PHF6: variants seen among roughly 807,000 people sequenced by gnomAD.
PHF6 encodes PHD-like zinc finger protein.
PHF6 carries 7 observed loss-of-function variants against 34.0 expected under a neutral mutation model. The observed-to-expected ratio is 0.21, with a 90% CI of 0.12 to 0.39. The LOEUF (loss-of-function observed/expected upper bound fraction) is 0.39. PHF6 is among the 10% of genes least tolerant of loss of function. The pLI is 1.00. For missense variants in PHF6, 128 were observed against 262.8 expected, an observed-to-expected ratio of 0.49 and a Z score of 3.55; for synonymous variants, 89 against 88.4, an observed-to-expected ratio of 1.01 and a Z score of -0.04.
At chrX:134,388,774 ACTT>A (rs1206886089) in intron 3 of PHF6, among the ~76,000 whole-genome samples, 1 of 111,687 alleles carries the variant, frequency 9.0e-6, no homozygotes, top group Non-Finnish European at 1.9e-5. Context: ...GCTCTTTAAG[ACTT>A]CTTTTTGCAA....
rs2077414238 is a variant in PHF6, at chrX:134,404,318, A to G, written c.419-9173A>G. 1.8e-5 allele frequency among the ~76,000 whole-genome samples: 2 copies of G among 112,135 alleles called. 1 individual carries two copies. The highest frequency in any genetic ancestry group is 8.4e-3 in the Middle Eastern group (2 of 239). On this transcript the variant is annotated intron_variant, in intron 5 of 10. Transcript: ENST00000370803. ...AGACTTCGGTGGAGGAAGTCACTGC[A>G]GATGTGGTAGAAATAGCAAGAGAAC...
chrX:134,426,571 G>C lies in PHF6; in HGVS notation c.*911G>C. ...AGTAAAAAAGTCTTTGCATAAAACA[G>C]TATTTATTTTTACTTTTGTGACCAC... On this transcript the variant is annotated 3_prime_UTR_variant, in exon 11 of 11. Transcript: ENST00000370803. 6.2e-6 allele frequency: 1 copy of C among 161,106 alleles called. No homozygotes were observed. The highest frequency in any genetic ancestry group is 1.2e-5 in the Non-Finnish European group (1 of 82,302). 13.3% of individuals were successfully genotyped at this position (161,106 alleles called of 1,213,427 possible).
At chrX:134,404,115 A>G (rs1042039313) in intron 5 of PHF6, among the ~76,000 whole-genome samples, 2 of 93,028 alleles carry the variant, frequency 2.1e-5, no homozygotes, top group Non-Finnish European at 4.1e-5. Context: ...TAGCTGCCAT[A>G]CATAGTGATT....
chrX:134,409,079 A>G (rs749704798), intron 5 of PHF6, among the ~76,000 whole-genome samples: 11 of 112,201 alleles, frequency 9.8e-5, no homozygotes, highest in African/African-American at 3.6e-4. Context: ...ATTTTTAGTC[A>G]AATATCCCAG....
intron 5 of PHF6, among the ~76,000 whole-genome samples, chrX:134,394,832 C>T (rs895330221): frequency 2.7e-5 from 3 of 109,840 alleles, no homozygotes; most frequent in Non-Finnish European, 5.7e-5. Flanking sequence ...AGCCACTGCG[C>T]CCGGCCTCGT....
intron 1 of PHF6, among the ~76,000 whole-genome samples, chrX:134,374,093 A>G (rs2077268511): frequency 9.0e-6 from 1 of 110,948 alleles, no homozygotes; most frequent in East Asian, 2.8e-4. Flanking sequence ...TTAGCGCTTG[A>G]TTAGAGGGAG....
At chrX:134,380,078 T>TA (rs1473247788) in intron 3 of PHF6, among the ~76,000 whole-genome samples, 1 of 111,437 alleles carries the variant, frequency 9.0e-6, no homozygotes, top group Non-Finnish European at 1.9e-5. Context: ...TGCCTAGTGT[T>TA]ACACTACATG....
rs757145716 is a variant in PHF6, at chrX:134,400,142, A to C, written c.418+6190A>C. Reference sequence around the variant, plus strand: ...CACGCAGGCTGGAATCCAGTGGCTCAATCACGGCTTACTGCAGCCTCAACC... The same window carrying C: ...CACGCAGGCTGGAATCCAGTGGCTCCATCACGGCTTACTGCAGCCTCAACC... On this transcript the variant is annotated intron_variant, in intron 5 of 10. Transcript: ENST00000370803. Among the ~76,000 whole-genome samples the C allele has an allele frequency of 5.4e-5, 6 of 111,564 alleles. No homozygotes were observed. The East Asian group carries it at 1.7e-3, about 31-fold the overall frequency.
chrX:134,417,424 C>A, intron 9 of PHF6, 122 bp downstream of exon 9: 1 of 720,898 alleles, frequency 1.4e-6, no homozygotes, highest in Non-Finnish European at 2.1e-6. Context: ...ATACTGAGCA[C>A]ATTATGTAAG....
intron 8 of PHF6, 57 bp downstream of exon 8, chrX:134,415,177 T>TA (rs1438351335): frequency 8.3e-7 from 1 of 1,208,478 alleles, no homozygotes; most frequent in Non-Finnish European, 1.1e-6. Context: ...GCTTTAAATT[T>TA]AGAGTACATC....
chrX:134,416,369 TAAC>T (rs762568148), intron 8 of PHF6, among the ~76,000 whole-genome samples: 5 of 111,866 alleles, frequency 4.5e-5, no homozygotes, highest in Non-Finnish European at 9.4e-5. Context: ...GTGACTAAGA[TAAC>T]AATTCAATTA....
intron 5 of PHF6, among the ~76,000 whole-genome samples, chrX:134,408,022 G>A (rs1736333035): frequency 2.7e-5 from 3 of 111,960 alleles, no homozygotes; most frequent in African/African-American, 9.8e-5. Context: ...CCGCCTCCCG[G>A]GTTCAAGTGA....
chrX:134,406,060 CTTTT>C (rs112004124), intron 5 of PHF6, among the ~76,000 whole-genome samples: 25 of 65,382 alleles, frequency 3.8e-4, no homozygotes, highest in South Asian at 8.4e-4. Flanking sequence ...TGTCCTTTTT[CTTTT>C]TCTTTCTTTC....
chrX:134,407,280 A>G (rs1569341653), intron 5 of PHF6, among the ~76,000 whole-genome samples: 2 of 112,501 alleles, frequency 1.8e-5, no homozygotes, highest in Non-Finnish European at 1.9e-5. Flanking sequence ...TATAGTGAAA[A>G]CTTAAAAGCT....
Position 134,404,244 on chromosome X carries a change from A to G in PHF6, c.419-9247A>G, listed in dbSNP as rs755393330. On this transcript the variant is annotated intron_variant, in intron 5 of 10. Transcript: ENST00000370803. ...GGTCAACATATCGATGTTAACGGGA[A>G]TTTGGAAGAAGTTTATTCCAACCCT... Among the ~76,000 whole-genome samples the G allele has an allele frequency of 2.7e-5, 3 of 112,298 alleles. No homozygotes were observed. In the South Asian group the frequency reaches 1.1e-3, roughly 41 times the overall value.
chrX:134,395,033 A>G (rs1436869783), intron 5 of PHF6, among the ~76,000 whole-genome samples: 8 of 107,916 alleles, frequency 7.4e-5, no homozygotes, highest in Non-Finnish European at 1.1e-4. Context: ...TTGTATGTTT[A>G]GTAGAGACGG....
chrX:134,390,607 T>C (rs2077349141), intron 3 of PHF6, among the ~76,000 whole-genome samples: 1 of 112,377 alleles, frequency 8.9e-6, no homozygotes, highest in African/African-American at 3.2e-5. Flanking sequence ...AGACGGGTAT[T>C]GAAAGCATTT....
intron 2 of PHF6, 124 bp from the exon 3 acceptor site, chrX:134,377,881 G>A (rs985605736): frequency 2.1e-6 from 2 of 948,052 alleles, no homozygotes; most frequent in African/African-American, 2.0e-5. Flanking sequence ...TTTAAGAAAT[G>A]GTTTATCACT....
At chrX:134,401,120 G>A (rs755800186) in intron 5 of PHF6, among the ~76,000 whole-genome samples, 1 of 111,617 alleles carries the variant, frequency 9.0e-6, no homozygotes, top group East Asian at 2.8e-4. Flanking sequence ...AGGTTTTTGA[G>A]TGTGGTAAAT....
Sources: gnomAD v4.1 joint callset for allele counts (sites outside exome capture counted in the v4.1 genomes callset) on GRCh38, gnomAD v4.1.1 for gene constraint, MANE v1.5 for transcripts, NCBI Gene and HGNC (gene_info 2026-07-23, HGNC 2026-07-21) for gene names.